Variants in CFAP299 observed in about 807,000 individuals in gnomAD.
CFAP299 encodes the protein cilia and flagella associated protein 299, also known as cilia- and flagella-associated protein 299.
Under a neutral mutation model 27.0 loss-of-function variants are expected in CFAP299, and 21 were observed. That is an observed-to-expected ratio of 0.78 (90% CI 0.55 to 1.12). The LOEUF (loss-of-function observed/expected upper bound fraction) is 1.12. Ranked by LOEUF, CFAP299 falls within the 50% of genes most tolerant of loss-of-function variation. The pLI, the probability that CFAP299 is intolerant of heterozygous loss-of-function variation, is 0.00. For synonymous variants in CFAP299, 104 were observed against 98.1 expected (o/e 1.06, Z -0.36); for missense variants, 310 against 276.6 (o/e 1.12, Z -0.86).
chr4:80,939,471 ATTT>A (rs77950376), intron 4 of CFAP299, among the ~76,000 whole-genome samples: 1 of 147,878 alleles, frequency 6.8e-6, no homozygotes, highest in East Asian at 2.0e-4. Flanking sequence ...CTCTCTGTTG[ATTT>A]TTTTTTCAGT....
At chr4:80,605,678 A>G (rs1458709772) in intron 3 of CFAP299, among the ~76,000 whole-genome samples, 2 of 152,188 alleles carry the variant, frequency 1.3e-5, no homozygotes, top group Non-Finnish European at 2.9e-5. Context: ...TATGTCTCCT[A>G]TTTAATAACA....
intron 2 of CFAP299, among the ~76,000 whole-genome samples, chr4:80,372,693 T>C (rs1406550993): frequency 6.6e-6 from 1 of 152,210 alleles, no homozygotes; most frequent in Non-Finnish European, 1.5e-5. Flanking sequence ...GTACTACTCA[T>C]TTCTTGTTCA....
chr4:80,527,075 C>A (rs1733225961), intron 2 of CFAP299, among the ~76,000 whole-genome samples: 1 of 152,056 alleles, frequency 6.6e-6, no homozygotes, highest in Non-Finnish European at 1.5e-5. Context: ...TTAGATCATG[C>A]ACACAAGTGC....
intron 4 of CFAP299, among the ~76,000 whole-genome samples, chr4:80,877,477 A>T (rs1214138992): frequency 6.6e-6 from 1 of 152,174 alleles, no homozygotes; most frequent in Non-Finnish European, 1.5e-5. Context: ...TAAAAGAAAA[A>T]GTCAGAATCC....
chr4:80,669,140 TCTTTCTTTC>T (rs1560688096), intron 3 of CFAP299, among the ~76,000 whole-genome samples: 2 of 53,836 alleles, frequency 3.7e-5, no homozygotes, highest in African/African-American at 7.0e-5. Flanking sequence ...TGTCTTTCTT[TCTTTCTTTC>T]TTTTTTTTTT....
At chr4:80,695,337 GT>G (rs1264129387) in intron 3 of CFAP299, among the ~76,000 whole-genome samples, 1 of 152,044 alleles carries the variant, frequency 6.6e-6, no homozygotes, top group Non-Finnish European at 1.5e-5. Context: ...GCTTAATTTT[GT>G]TTTTGACCAC....
At position 80,352,365 on chromosome 4, in the gene CFAP299, C is replaced by T. The variant is rs146941220; in HGVS notation, c.112-10389C>T. 3.1e-3 allele frequency among the ~76,000 whole-genome samples: 467 copies of T among 152,126 alleles called. 1 individual carries two copies. The highest frequency in any genetic ancestry group is 4.6e-3 in the Non-Finnish European group (310 of 68,006). On this transcript the variant is annotated intron_variant, in intron 1 of 5. Transcript: ENST00000358105. ...GGTGAATTACTTGATATCAGGAGTT[C>T]GAGACCAGCCTGGCCCACATGGTGA...
At chr4:80,463,361 A>G (rs1729547591) in intron 2 of CFAP299, among the ~76,000 whole-genome samples, 1 of 152,180 alleles carries the variant, frequency 6.6e-6, no homozygotes, top group Non-Finnish European at 1.5e-5. Context: ...TCATCAAAGG[A>G]TCCTCTGTGA....
intron 3 of CFAP299, among the ~76,000 whole-genome samples, chr4:80,802,835 A>G (rs1728679799): frequency 1.3e-5 from 2 of 152,064 alleles, no homozygotes; most frequent in Admixed American, 1.3e-4. Context: ...ATATTGTGAC[A>G]CTTGCATTAC....
chr4:80,473,273 A>G (rs1269849200), intron 2 of CFAP299, among the ~76,000 whole-genome samples: 1 of 152,132 alleles, frequency 6.6e-6, no homozygotes, highest in Non-Finnish European at 1.5e-5. Flanking sequence ...GATCAGGGAA[A>G]AGAAGATCCT....
intron 3 of CFAP299, among the ~76,000 whole-genome samples, chr4:80,742,295 C>A (rs1314100024): frequency 1.3e-5 from 2 of 152,144 alleles, no homozygotes; most frequent in South Asian, 2.1e-4. Flanking sequence ...CCCTGTCTCC[C>A]ACCCCTTATT....
At chr4:80,614,799 A>C (rs908210791) in intron 3 of CFAP299, among the ~76,000 whole-genome samples, 1 of 152,228 alleles carries the variant, frequency 6.6e-6, no homozygotes, top group Non-Finnish European at 1.5e-5. Context: ...ATGCTTACAC[A>C]TGTTGTTTAA....
At chr4:80,823,563 G>A (rs1310734640) in intron 3 of CFAP299, among the ~76,000 whole-genome samples, 3 of 152,082 alleles carry the variant, frequency 2.0e-5, no homozygotes, top group Non-Finnish European at 2.9e-5. Context: ...CTTTCATCCA[G>A]TAGCTGAAAT....
At chr4:80,517,287 T>C (rs906669678) in intron 2 of CFAP299, among the ~76,000 whole-genome samples, 2 of 152,168 alleles carry the variant, frequency 1.3e-5, no homozygotes, top group African/African-American at 4.8e-5. Flanking sequence ...TTCTGTTGTT[T>C]TAGATCAGAA....
intron 2 of CFAP299, among the ~76,000 whole-genome samples, chr4:80,510,733 A>C (rs1275044163): frequency 2.0e-5 from 3 of 152,164 alleles, no homozygotes; most frequent in Non-Finnish European, 4.4e-5. Flanking sequence ...AGAATCTGTA[A>C]ATATGATTTG....
intron 5 of CFAP299, among the ~76,000 whole-genome samples, chr4:80,961,990 AAAAATAGCC>A (rs1738366614): frequency 6.6e-6 from 1 of 151,926 alleles, no homozygotes; most frequent in African/African-American, 2.4e-5. Flanking sequence ...AACAAAACAC[AAAAATAGCC>A]AAAAAGGAAA....
chr4:80,569,709 A>G (rs1367891256), intron 2 of CFAP299, among the ~76,000 whole-genome samples: 1 of 152,028 alleles, frequency 6.6e-6, no homozygotes, highest in Non-Finnish European at 1.5e-5. Flanking sequence ...AAAACTTTCC[A>G]CATTAATAGT....
intron 3 of CFAP299, among the ~76,000 whole-genome samples, chr4:80,666,745 G>A (rs1560686722): frequency 6.6e-6 from 1 of 151,960 alleles, no homozygotes; most frequent in African/African-American, 2.4e-5. Context: ...AAGTCTCTTC[G>A]TGTGACCTAC....
intron 3 of CFAP299, among the ~76,000 whole-genome samples, chr4:80,585,513 G>C (rs1736389628): frequency 6.6e-6 from 1 of 152,010 alleles, no homozygotes; most frequent in African/African-American, 2.4e-5. Flanking sequence ...AATTTTACTT[G>C]GTAAATAATT....
Sources: gnomAD v4.1 joint callset for allele counts (sites outside exome capture counted in the v4.1 genomes callset) on GRCh38, gnomAD v4.1.1 for gene constraint, MANE v1.5 for transcripts, NCBI Gene and HGNC (gene_info 2026-07-23, HGNC 2026-07-21) for gene names.